The following ROBO1 variants were observed in gnomAD, a reference collection of about 807,000 sequenced individuals.
ROBO1 encodes roundabout guidance receptor 1.
ROBO1 carries 149 observed loss-of-function variants against 195.9 expected under a neutral mutation model. The observed-to-expected ratio is 0.76, with a 90% CI of 0.67 to 0.87. The LOEUF (loss-of-function observed/expected upper bound fraction) is 0.87. Among genes scored for constraint, ROBO1 ranks in the 40% least tolerant of loss-of-function variants. The pLI is 0.00. For missense variants in ROBO1, 1,933 were observed against 2,068.3 expected (o/e 0.93, Z 1.27); for synonymous variants, 816 against 733.2 (o/e 1.11, Z -1.82).
At chr3:79,395,340 A>AAAAAAAAAAAGAAAGAAAGAAAG (rs71631648) in intron 2 of ROBO1, among the ~76,000 whole-genome samples, 1 of 119,076 alleles carries the variant, frequency 8.4e-6, no homozygotes, top group Non-Finnish European at 1.7e-5. Flanking sequence ...AAAAAAAAAA[A>AAAAAAAAAAAGAAAGAAAGAAAG]AAAGAAAGAA....
intron 30 of ROBO1, among the ~76,000 whole-genome samples, chr3:78,599,345 G>C (rs72904716): frequency 0.025 from 3,792 of 152,226 alleles, 166 homozygotes; most frequent in African/African-American, 0.087. Context: ...CAACTTCTCT[G>C]TTTGCAGGAG....
At chr3:78,960,809 C>A (rs1242457902) in intron 3 of ROBO1, among the ~76,000 whole-genome samples, 2 of 151,260 alleles carry the variant, frequency 1.3e-5, no homozygotes, top group African/African-American at 2.4e-5. Flanking sequence ...CACACACACA[C>A]ACACACACAC....
chr3:78,996,962 T>A (rs1389794115), intron 3 of ROBO1, among the ~76,000 whole-genome samples: 2 of 152,176 alleles, frequency 1.3e-5, no homozygotes, highest in Non-Finnish European at 2.9e-5. Flanking sequence ...CATGTAGATA[T>A]AAGACAGTGT....
At chr3:78,715,198 T>G (rs1237600524) in intron 7 of ROBO1, 1 of 152,144 alleles carries the variant, frequency 6.6e-6, no homozygotes, top group Non-Finnish European at 1.5e-5. Context: ...AGTTCCAAAT[T>G]TGGATTTCTA....
intron 2 of ROBO1, among the ~76,000 whole-genome samples, chr3:79,320,346 T>C (rs908492277): frequency 2.6e-5 from 4 of 152,164 alleles, no homozygotes; most frequent in Non-Finnish European, 4.4e-5. Context: ...TTCGTTTGTT[T>C]GTTTCAGGGT....
intron 1 of ROBO1, among the ~76,000 whole-genome samples, chr3:79,754,394 T>C (rs1189034937): frequency 1.3e-5 from 2 of 152,180 alleles, no homozygotes; most frequent in Non-Finnish European, 2.9e-5. Context: ...CCCTGCCTTA[T>C]ACAGATTGGT....
chr3:79,323,621 A>C (rs565030033), intron 2 of ROBO1, among the ~76,000 whole-genome samples: 5 of 152,224 alleles, frequency 3.3e-5, no homozygotes, highest in Non-Finnish European at 7.3e-5. Flanking sequence ...ATCATACATA[A>C]GATTGAAGTT....
rs1025811724 is a variant in ROBO1 at position 78,788,455 on chromosome 3, A to G, written c.500-41555T>C. Among the ~76,000 whole-genome samples the G allele has an allele frequency of 1.7e-4, 25 of 147,978 alleles. No individual in the cohort carries two copies. In the East Asian group the frequency reaches 2.6e-3, roughly 15 times the overall value. ...TTTTTTTTTTTAAAAAAAAAAAAAA[A>G]AAAAAAAGATTCCACTTAGGACCTA... is the stretch of plus-strand genomic sequence containing the variant. On this transcript the variant is annotated intron_variant, in intron 4 of 30. Coordinates refer to ENST00000464233, the MANE Select transcript of ROBO1 (RefSeq NM_002941.4).
intron 3 of ROBO1, among the ~76,000 whole-genome samples, chr3:79,046,891 G>A (rs1243120831): frequency 6.6e-6 from 1 of 152,112 alleles, no homozygotes; most frequent in Non-Finnish European, 1.5e-5. Flanking sequence ...GGTTCTTTGA[G>A]ATAATGTTTG....
intron 24 of ROBO1, among the ~76,000 whole-genome samples, chr3:78,632,718 G>A (rs959447966): frequency 5.3e-5 from 8 of 152,112 alleles, no homozygotes; most frequent in Non-Finnish European, 8.8e-5. Flanking sequence ...GATGCTGAAG[G>A]TCAATTAAAG....
At chr3:79,516,332 C>A (rs940820045) in intron 2 of ROBO1, among the ~76,000 whole-genome samples, 48 of 152,086 alleles carry the variant, frequency 3.2e-4, no homozygotes, top group Admixed American at 2.8e-3. Flanking sequence ...TCTTCATTCA[C>A]AGCTCTCAAT....
Position 79,474,168 on chromosome 3 carries a change from C to T in ROBO1, c.88+115656G>A, listed in dbSNP as rs1938428559. 3.9e-5 allele frequency among the ~76,000 whole-genome samples: 6 copies of T among 152,094 alleles called. No homozygotes were observed. The South Asian group carries it at 1.2e-3, about 32-fold the overall frequency. ...GCTCTTTCAAGCTTTATACAAGATC[C>T]CATTTAGATATCTGTAGTAAAGACA... is the stretch of plus-strand genomic sequence containing the variant. On this transcript the variant is annotated intron_variant, in intron 2 of 30. Transcript: ENST00000464233.
At chr3:79,162,410 T>C (rs1480127474) in intron 2 of ROBO1, among the ~76,000 whole-genome samples, 2 of 152,180 alleles carry the variant, frequency 1.3e-5, no homozygotes, top group South Asian at 2.1e-4. Context: ...TAAGGAAATA[T>C]GGTTTGAGGG....
intron 2 of ROBO1, among the ~76,000 whole-genome samples, chr3:79,440,821 G>A (rs4535189): frequency 0.53 from 79,871 of 151,870 alleles, 21,085 homozygotes; most frequent in East Asian, 0.62. Flanking sequence ...AGTCCTTAAA[G>A]TAATGAGAAA....
chr3:79,190,956 G>A (rs2081529599), intron 2 of ROBO1, among the ~76,000 whole-genome samples: 2 of 151,474 alleles, frequency 1.3e-5, no homozygotes, highest in African/African-American at 4.8e-5. Flanking sequence ...TTCTCTCTGT[G>A]ATGCATTCAT....
At chr3:79,121,423 TTTTC>T (rs1419013653) in intron 3 of ROBO1, among the ~76,000 whole-genome samples, 4 of 151,998 alleles carry the variant, frequency 2.6e-5, no homozygotes, top group African/African-American at 7.2e-5. Context: ...TTGTCAATGC[TTTTC>T]TTTCTTTCTC....
chr3:79,337,124 G>T (rs758561335), intron 2 of ROBO1, among the ~76,000 whole-genome samples: 1 of 152,152 alleles, frequency 6.6e-6, no homozygotes, highest in Admixed American at 6.5e-5. Flanking sequence ...ATAAGTGGAA[G>T]GGACTTGCCT....
rs1194368556 is a variant in ROBO1, at chr3:79,526,793, C to CT, written c.88+63030dup. 2.0e-5 allele frequency among the ~76,000 whole-genome samples: 3 copies of CT among 152,126 alleles called. No individual in the cohort carries two copies. In the East Asian group the frequency reaches 5.8e-4, roughly 29 times the overall value. Reference sequence around the variant, plus strand: ...AAGCAGTAAGACTAAATTCTATAATCTTTTTGCAATTATGATTCTAAGAGA... The same window carrying CT: ...AAGCAGTAAGACTAAATTCTATAATCTTTTTTGCAATTATGATTCTAAGAGA... On this transcript the variant is annotated intron_variant, in intron 2 of 30. Coordinates refer to ENST00000464233, the MANE Select transcript of ROBO1 (RefSeq NM_002941.4).
intron 2 of ROBO1, among the ~76,000 whole-genome samples, chr3:79,365,536 A>C (rs2035937420): frequency 6.6e-6 from 1 of 151,208 alleles, no homozygotes; most frequent in African/African-American, 2.4e-5. Flanking sequence ...AGTGCTACCA[A>C]CCCCCTCCAT....
Sources: gnomAD v4.1 joint callset for allele counts (sites outside exome capture counted in the v4.1 genomes callset) on GRCh38, gnomAD v4.1.1 for gene constraint, MANE v1.5 for transcripts, NCBI Gene and HGNC (gene_info 2026-07-23, HGNC 2026-07-21) for gene names.